Variants in NRXN3 observed in about 807,000 individuals in gnomAD.
NRXN3 encodes the protein neurexin III.
A neutral mutation model predicts 137.6 loss-of-function variants in NRXN3; 32 were observed. That is an observed-to-expected ratio of 0.23 (90% CI 0.18 to 0.31). The LOEUF (loss-of-function observed/expected upper bound fraction) is 0.31. NRXN3 is among the 10% of genes least tolerant of loss of function. The pLI, the probability that NRXN3 is intolerant of heterozygous loss-of-function variation, is 1.00. For missense variants in NRXN3, 1,574 were observed against 2,062.5 expected (o/e 0.76, Z 4.59); for synonymous variants, 798 against 784.5 (o/e 1.02, Z -0.29).
intron 10 of NRXN3, among the ~76,000 whole-genome samples, chr14:78,951,886 C>T (rs996705372): frequency 1.1e-4 from 16 of 152,042 alleles, no homozygotes; most frequent in Admixed American, 7.2e-4. Context: ...GGATGAGGCA[C>T]GGAGAAAGAG....
chr14:78,651,185 C>T lies in NRXN3; in HGVS notation c.1080C>T (p.Gly360=), dbSNP rs1377883690. Residue 360 remains glycine, a synonymous_variant, in exon 6 of 21, where the codon GGC becomes GGT. Coordinates refer to ENST00000335750, the MANE Select transcript of NRXN3 (RefSeq NM_001330195.2). Reference sequence around the variant, plus strand: ...ACCAGGTGACAATCTCTGTGGATGGCATTCTTACCACGACGGGCTACACTC... The same window carrying T: ...ACCAGGTGACAATCTCTGTGGATGGTATTCTTACCACGACGGGCTACACTC... ...NLRQVTISVD[G]ILTTTGYTQE... 3.7e-6 allele frequency: 6 copies of T among 1,613,724 alleles called. No homozygotes were observed. The highest frequency in any genetic ancestry group is 5.1e-6 in the Non-Finnish European group (6 of 1,179,778).
intron 10 of NRXN3, among the ~76,000 whole-genome samples, chr14:78,813,384 T>C (rs2370875): frequency 0.74 from 112,275 of 152,102 alleles, 45,673 homozygotes; most frequent in Non-Finnish European, 0.92. Flanking sequence ...CTTACTCTTA[T>C]CTGATTTTCA....
chr14:79,491,000 A>G (rs2096711563), intron 16 of NRXN3, among the ~76,000 whole-genome samples: 2 of 152,194 alleles, frequency 1.3e-5, no homozygotes, highest in Admixed American at 6.5e-5. Context: ...CGAAGTGGCT[A>G]TTTTGTTGCA....
chr14:78,978,220 G>A (rs900837914), intron 14 of NRXN3, among the ~76,000 whole-genome samples: 4 of 152,122 alleles, frequency 2.6e-5, no homozygotes, highest in Non-Finnish European at 5.9e-5. Context: ...TGGTTTTGAT[G>A]CCTTGCTTAG....
At position 78,471,291 on chromosome 14, in the gene NRXN3, AACACACACACACAC is replaced by A. The variant is rs553942003; in HGVS notation, c.757+173460_757+173473del. On this transcript the variant is annotated intron_variant, in intron 4 of 20. Coordinates refer to ENST00000335750, the MANE Select transcript of NRXN3 (RefSeq NM_001330195.2). ...TCCCTTTCTTCTCTTCAACACACTC[AACACACACACACAC>A]ACACACACACACACACACACACACA... Among the ~76,000 whole-genome samples, 393 of 96,850 alleles carry A rather than the reference AACACACACACACAC, an allele frequency of 4.1e-3. 4 individuals are homozygous for A. The highest frequency in any genetic ancestry group is 0.014 in the African/African-American group (355 of 24,984). 63.5% of individuals were successfully genotyped at this position (96,850 alleles called of 152,430 possible). A position where few individuals can be genotyped will look rare whatever the true frequency, so the allele number is the denominator to read the frequency against.
At chr14:78,730,107 C>T (rs2098507917) in intron 8 of NRXN3, among the ~76,000 whole-genome samples, 1 of 152,152 alleles carries the variant, frequency 6.6e-6, no homozygotes, top group African/African-American at 2.4e-5. Flanking sequence ...CCTGTAGCAA[C>T]TATTCCTGTA....
chr14:79,757,398 C>G (rs1400848749), intron 19 of NRXN3, among the ~76,000 whole-genome samples: 1 of 152,124 alleles, frequency 6.6e-6, no homozygotes, highest in Non-Finnish European at 1.5e-5. Flanking sequence ...AAAGCCCAAA[C>G]AGAAGCAGGG....
chr14:78,726,967 A>AAAAAC (rs1427112895), intron 8 of NRXN3, among the ~76,000 whole-genome samples: 1 of 151,618 alleles, frequency 6.6e-6, no homozygotes, highest in South Asian at 2.1e-4. Context: ...ACTAAAAAAA[A>AAAAAC]AAAAAAAAAA....
At chr14:79,515,878 A>G (rs545748832) in intron 16 of NRXN3, among the ~76,000 whole-genome samples, 1 of 152,306 alleles carries the variant, frequency 6.6e-6, no homozygotes, top group South Asian at 2.1e-4. Context: ...CTATCTAAAG[A>G]GGTGGCTTCT....
intron 10 of NRXN3, among the ~76,000 whole-genome samples, chr14:78,830,463 G>T (rs2152396878): frequency 1.3e-5 from 2 of 152,198 alleles, no homozygotes; most frequent in East Asian, 3.9e-4. Context: ...ATTTTAATTT[G>T]TCAGGAAAAT....
intron 4 of NRXN3, among the ~76,000 whole-genome samples, chr14:78,528,508 C>T (rs1164802432): frequency 1.3e-5 from 2 of 152,138 alleles, no homozygotes; most frequent in Non-Finnish European, 2.9e-5. Context: ...ATATCATTGT[C>T]CCCATTTTAC....
chr14:79,332,856 T>G (rs2091881487), intron 15 of NRXN3, among the ~76,000 whole-genome samples: 1 of 152,166 alleles, frequency 6.6e-6, no homozygotes, highest in African/African-American at 2.4e-5. Flanking sequence ...AATGATTCGT[T>G]TTATCAAGGG....
rs376174039 is a variant in NRXN3 at position 78,243,771 on chromosome 14, C to A, written c.678C>A (p.Thr226=). 1 of 1,593,104 alleles carries A rather than the reference C, an allele frequency of 6.3e-7. No individual in the cohort carries two copies. The highest frequency in any genetic ancestry group is 1.7e-5 in the Admixed American group (1 of 59,716). ...LDGHPTCDCS[T]TGYGGKLCSE... ...GCCACCCCACCTGTGACTGTTCTAC[C>A]ACTGGCTATGGTGGCAAGCTCTGCT... The change falls in exon 2 of 21, where the codon ACC becomes ACA. Residue 226 remains threonine, a synonymous_variant. Coordinates refer to ENST00000335750, the MANE Select transcript of NRXN3 (RefSeq NM_001330195.2). This position sits in a 1 kb window ranked among gnomAD's most constrained non-coding sequence, Gnocchi z 4.2.
At chr14:79,311,701 G>A (rs2087340376) in intron 15 of NRXN3, among the ~76,000 whole-genome samples, 1 of 104,798 alleles carries the variant, frequency 9.5e-6, no homozygotes, top group African/African-American at 3.5e-5. Flanking sequence ...ATTTCTTCTA[G>A]ATTTTCTAGT....
chr14:79,435,617 C>CACACACACACAT (rs2095834515), intron 15 of NRXN3, among the ~76,000 whole-genome samples: 1 of 151,890 alleles, frequency 6.6e-6, no homozygotes, highest in African/African-American at 2.4e-5. Context: ...CACACACACA[C>CACACACACACAT]ACACACACAC....
chr14:78,618,677 C>A (rs928904899), intron 4 of NRXN3, among the ~76,000 whole-genome samples: 11 of 152,142 alleles, frequency 7.2e-5, no homozygotes, highest in Non-Finnish European at 1.6e-4. Flanking sequence ...TGTACATCTG[C>A]ATCATCTCAT....
At chr14:79,132,136 C>T (rs2057608127) in intron 15 of NRXN3, among the ~76,000 whole-genome samples, 4 of 152,276 alleles carry the variant, frequency 2.6e-5, no homozygotes, top group Admixed American at 2.6e-4. Flanking sequence ...AATTACCCGT[C>T]TTCTGCGTTG....
intron 10 of NRXN3, among the ~76,000 whole-genome samples, chr14:78,883,165 G>T (rs1056116070): frequency 1.3e-5 from 2 of 152,102 alleles, no homozygotes; most frequent in Non-Finnish European, 2.9e-5. Flanking sequence ...AAATTACCCA[G>T]TCTCAGGTAT....
At chr14:78,465,010 C>CTAT (rs2095055880) in intron 4 of NRXN3, among the ~76,000 whole-genome samples, 1 of 152,100 alleles carries the variant, frequency 6.6e-6, no homozygotes, top group African/African-American at 2.4e-5. Flanking sequence ...AGAATGCCTA[C>CTAT]TATTCATTTT....
Sources: gnomAD v4.1 joint callset for allele counts (sites outside exome capture counted in the v4.1 genomes callset) on GRCh38, gnomAD v4.1.1 for gene constraint, Gnocchi (gnomAD v3.1) non-coding constraint, MANE v1.5 for transcripts, NCBI Gene and HGNC (gene_info 2026-07-23, HGNC 2026-07-21) for gene names.